Variants in CASD1 observed in about 807,000 individuals in gnomAD.
CASD1 encodes CAS1 domain sialic acid O acetyltransferase 1, also known as N-acetylneuraminate (7)9-O-acetyltransferase.
Under a neutral mutation model 100.0 loss-of-function variants are expected in CASD1, and 41 were observed. The ratio of observed to expected loss-of-function variants is 0.41; its 90% CI spans 0.32 to 0.53. The LOEUF (loss-of-function observed/expected upper bound fraction) is 0.53. Among genes scored for constraint, CASD1 ranks in the 20% least tolerant of loss-of-function variants. The pLI is 0.25. For synonymous variants in CASD1, 321 were observed against 315.6 expected (o/e 1.02, Z -0.18); for missense variants, 774 against 948.7 (o/e 0.82, Z 2.42).
the CASD1 span, among the ~76,000 whole-genome samples, chr7:94,578,051 G>A: frequency 1.5e-4 from 23 of 152,204 alleles, 3 homozygotes; most frequent in African/African-American, 4.6e-4. Flanking sequence ...GAAGCTTGCC[G>A]TTCTTACCAA....
In CASD1 at chr7:94,517,587, C is replaced by G; in HGVS notation, c.161C>G (p.Ser54Ter). The change falls in exon 2 of 18, where the codon TCA (serine) becomes TGA (stop). Residue 54 changes from serine to a stop codon, truncating the protein, a stop_gained. Transcript: ENST00000297273. LOFTEE classifies it high-confidence loss of function. Reference sequence around the variant, plus strand: ...AATGATTCGTGTGAATACCTTCTCTCAAGTGGCAGATTTCTTGGAGAGAAA... The same window carrying G: ...AATGATTCGTGTGAATACCTTCTCTGAAGTGGCAGATTTCTTGGAGAGAAA... ...RGNDSCEYLL[S>*]SGRFLGEKVW... 1 of 1,612,502 alleles carries G rather than the reference C, an allele frequency of 6.2e-7. No individual in the cohort carries two copies. Among genetic ancestry groups the G allele is most frequent in the Non-Finnish European group, 8.5e-7 (1 of 1,178,928 alleles).
the CASD1 span, among the ~76,000 whole-genome samples, chr7:94,573,145 G>C: frequency 2.0e-4 from 31 of 152,220 alleles, no homozygotes; most frequent in Admixed American, 6.5e-4. Context: ...ATAGTTTGAG[G>C]CATCAGGTAA....
the CASD1 span, among the ~76,000 whole-genome samples, chr7:94,608,986 T>C: frequency 6.6e-6 from 1 of 151,808 alleles, no homozygotes; most frequent in African/African-American, 2.4e-5. Context: ...GAGGAGAAAA[T>C]CGAGATGACC....
chr7:94,513,798 C>T lies in CASD1; in HGVS notation c.133+3581C>T, dbSNP rs115416943. On this transcript the variant is annotated intron_variant, in intron 1 of 17. Coordinates refer to ENST00000297273, the MANE Select transcript of CASD1 (RefSeq NM_022900.5). The stretch of plus-strand genomic sequence containing the variant: ...AAATAGATTTCAAAGTCCTTATTTC[C>T]TTTTATGTTCTTTTGTGGCTTTAAT... Among the ~76,000 whole-genome samples the T allele has an allele frequency of 3.0e-3, 455 of 152,226 alleles. 3 individuals are homozygous for T. The highest frequency in any genetic ancestry group is 0.01 in the African/African-American group (424 of 41,560).
At chr7:94,526,547 G>A (rs1794576948) in intron 3 of CASD1, among the ~76,000 whole-genome samples, 1 of 152,246 alleles carries the variant, frequency 6.6e-6, no homozygotes, top group African/African-American at 2.4e-5. Context: ...CCAGCACTTT[G>A]GGAGGCTGAG....
the CASD1 span, among the ~76,000 whole-genome samples, chr7:94,562,479 C>T: frequency 2.6e-5 from 4 of 152,102 alleles, no homozygotes; most frequent in Non-Finnish European, 5.9e-5. Flanking sequence ...TCTTCCAAGT[C>T]ATTTATCTCC....
the CASD1 span, chr7:94,597,100 C>T: frequency 6.6e-6 from 1 of 152,002 alleles, no homozygotes; most frequent in Non-Finnish European, 1.5e-5. Context: ...CTACTGACCA[C>T]CAGAGAGCAT....
the CASD1 span, chr7:94,629,515 C>T: frequency 4.0e-6 from 2 of 500,428 alleles, no homozygotes; most frequent in Non-Finnish European, 7.2e-6. Context: ...CAGAAATATG[C>T]TTTCCTTAAC....
the CASD1 span, among the ~76,000 whole-genome samples, chr7:94,576,247 T>C: frequency 6.6e-6 from 1 of 152,224 alleles, no homozygotes; most frequent in Non-Finnish European, 1.5e-5. Context: ...TTCTTTCTGC[T>C]GCCTGCTCAA....
chr7:94,529,328 T>C (rs1794736323), intron 5 of CASD1, among the ~76,000 whole-genome samples: 1 of 152,188 alleles, frequency 6.6e-6, no homozygotes, highest in Non-Finnish European at 1.5e-5. Context: ...ACAGAAAACC[T>C]TTATAGGCTA....
At chr7:94,600,384 T>C in the CASD1 span, 2 of 414,074 alleles carry the variant, frequency 4.8e-6, no homozygotes, top group Non-Finnish European at 8.8e-6. Context: ...GCCTCAATTA[T>C]TCTTGGGACT....
chr7:94,588,741 GA>G, the CASD1 span: 2 of 1,611,724 alleles, frequency 1.2e-6, no homozygotes, highest in Admixed American at 3.3e-5. Context: ...TCCTAGAAAT[GA>G]TGAACATTTT....
At chr7:94,616,132 G>A in the CASD1 span, among the ~76,000 whole-genome samples, 1 of 152,158 alleles carries the variant, frequency 6.6e-6, no homozygotes, top group Non-Finnish European at 1.5e-5. Flanking sequence ...CAAGAAGGAT[G>A]AGGAGCTCAG....
intron 13 of CASD1, among the ~76,000 whole-genome samples, chr7:94,547,545 A>AT (rs1187721031): frequency 6.6e-6 from 1 of 151,894 alleles, no homozygotes; most frequent in East Asian, 1.9e-4. Flanking sequence ...CAAAGTATTG[A>AT]TTTTTCCATA....
At chr7:94,538,569 G>A (rs1795228532) in intron 9 of CASD1, among the ~76,000 whole-genome samples, 1 of 152,110 alleles carries the variant, frequency 6.6e-6, no homozygotes, top group African/African-American at 2.4e-5. Flanking sequence ...TGTCAGTAAA[G>A]TGTAGGGGAA....
At chr7:94,510,281 GCC>G in intron 1 of CASD1, 64 bp downstream of exon 1, 1 of 1,255,364 alleles carries the variant, frequency 8.0e-7, no homozygotes, top group South Asian at 1.9e-5. Context: ...GCGGCTGGAG[GCC>G]GCCCCCATCG....
At chr7:94,511,385 G>C (rs1190826048) in intron 1 of CASD1, among the ~76,000 whole-genome samples, 2 of 152,146 alleles carry the variant, frequency 1.3e-5, no homozygotes, top group Non-Finnish European at 2.9e-5. Context: ...CAGTTTTGCT[G>C]CTTTATTTCT....
At chr7:94,517,034 G>A (rs1794011662) in intron 1 of CASD1, among the ~76,000 whole-genome samples, 2 of 151,998 alleles carry the variant, frequency 1.3e-5, no homozygotes. Flanking sequence ...CTCCCGAGTA[G>A]CTGGGACTAC....
chr7:94,564,158 A>G, the CASD1 span, among the ~76,000 whole-genome samples: 1 of 152,222 alleles, frequency 6.6e-6, no homozygotes, highest in African/African-American at 2.4e-5. Context: ...TCTGATTAGA[A>G]TGGAAAGAAC....
Sources: allele counts gnomAD v4.1 joint callset (sites outside exome capture counted in the v4.1 genomes callset), GRCh38; gene constraint gnomAD v4.1.1; transcripts MANE v1.5; gene names NCBI Gene and HGNC (gene_info 2026-07-23, HGNC 2026-07-21).